The following THSD7B variants were observed in gnomAD, a reference collection of about 807,000 sequenced individuals.
THSD7B encodes thrombospondin type-1 domain-containing protein 7B.
THSD7B carries 138 observed loss-of-function variants against 213.6 expected under a neutral mutation model. The observed-to-expected ratio is 0.65, with a 90% confidence interval of 0.56 to 0.74. The LOEUF is 0.74. Among genes scored for constraint, THSD7B ranks in the 30% least tolerant of loss-of-function variants. The pLI, the probability that THSD7B is intolerant of heterozygous loss-of-function variation, is 0.00. For missense variants in THSD7B, 1,931 were observed against 1,991.5 expected (o/e 0.97, Z 0.58); for synonymous variants, 742 against 687.0 (o/e 1.08, Z -1.25).
At chr2:137,398,834 C>T (rs952314393) in intron 12 of THSD7B, among the ~76,000 whole-genome samples, 24 of 152,354 alleles carry the variant, frequency 1.6e-4, no homozygotes, top group African/African-American at 5.5e-4. Context: ...GGCGTAGGAC[C>T]CTCCAAGCCA....
chr2:137,115,951 T>C (rs924071803), intron 5 of THSD7B, among the ~76,000 whole-genome samples: 3 of 152,150 alleles, frequency 2.0e-5, no homozygotes, highest in Non-Finnish European at 4.4e-5. Flanking sequence ...CTAGAAGAAT[T>C]TGTGACCTGT....
intron 1 of THSD7B, among the ~76,000 whole-genome samples, chr2:136,791,993 G>A (rs965152100): frequency 6.6e-6 from 1 of 151,962 alleles, no homozygotes; most frequent in African/African-American, 2.4e-5. Flanking sequence ...AATCCGACCA[G>A]CAGTGTATGA....
chr2:136,769,426 A>C (rs570222400), intron 1 of THSD7B, among the ~76,000 whole-genome samples: 2 of 152,310 alleles, frequency 1.3e-5, no homozygotes, highest in African/African-American at 2.4e-5. Flanking sequence ...GATATTAGTG[A>C]AACCCAATTA....
At chr2:136,895,708 A>G (rs1385246995) in intron 2 of THSD7B, among the ~76,000 whole-genome samples, 1 of 152,136 alleles carries the variant, frequency 6.6e-6, no homozygotes, top group Admixed American at 6.6e-5. Flanking sequence ...ACATCAACAC[A>G]ATCTAATTTT....
chr2:137,288,607 A>T (rs983246950), intron 12 of THSD7B, among the ~76,000 whole-genome samples: 2 of 152,156 alleles, frequency 1.3e-5, no homozygotes, highest in South Asian at 4.2e-4. Flanking sequence ...AGCTAACTTT[A>T]TGTACAGAGC....
intron 25 of THSD7B, among the ~76,000 whole-genome samples, chr2:137,662,062 CT>C (rs778872364): frequency 0.09 from 11,946 of 132,464 alleles, 390 homozygotes; most frequent in Middle Eastern, 0.13. Context: ...TTTCTTTTTT[CT>C]TTTTTTTTTT....
chr2:137,524,038 T>C (rs1483005915), intron 15 of THSD7B, among the ~76,000 whole-genome samples: 1 of 152,176 alleles, frequency 6.6e-6, no homozygotes, highest in African/African-American at 2.4e-5. Flanking sequence ...ACTCTTTTTA[T>C]AGTCTACTAA....
intron 1 of THSD7B, among the ~76,000 whole-genome samples, chr2:136,860,196 C>T (rs116969088): frequency 6.6e-6 from 1 of 151,574 alleles, no homozygotes; most frequent in Admixed American, 6.6e-5. Flanking sequence ...TCTTAGGAGG[C>T]CAGGGCAGTA....
At chr2:136,994,260 C>T (rs570915270) in intron 2 of THSD7B, among the ~76,000 whole-genome samples, 3 of 152,254 alleles carry the variant, frequency 2.0e-5, no homozygotes, top group Non-Finnish European at 4.4e-5. Context: ...TGAATTGTAG[C>T]TTGAAAATCT....
intron 7 of THSD7B, among the ~76,000 whole-genome samples, chr2:137,207,819 G>A (rs1275051933): frequency 6.6e-6 from 1 of 152,002 alleles, no homozygotes; most frequent in Non-Finnish European, 1.5e-5. Context: ...ACTGATCTCT[G>A]CTTATATTAT....
chr2:137,419,928 C>G (rs1038879045), intron 14 of THSD7B, among the ~76,000 whole-genome samples: 1 of 152,156 alleles, frequency 6.6e-6, no homozygotes, highest in Non-Finnish European at 1.5e-5. Context: ...TACCCCTTTG[C>G]TATATTGACT....
At chr2:137,493,120 CTCAAAAAAAAA>C (rs1247363071) in intron 15 of THSD7B, among the ~76,000 whole-genome samples, 162 of 24,984 alleles carry the variant, frequency 6.5e-3, no homozygotes, top group Admixed American at 0.014. Context: ...CACTCTCTCT[CTCAAAAAAAAA>C]AAAAAAAAAA....
intron 17 of THSD7B, among the ~76,000 whole-genome samples, chr2:137,599,543 G>C (rs958543681): frequency 6.6e-6 from 1 of 151,566 alleles, no homozygotes; most frequent in Admixed American, 6.6e-5. Flanking sequence ...TGGTGGGACT[G>C]TAAACTAGTT....
intron 7 of THSD7B, among the ~76,000 whole-genome samples, chr2:137,216,875 G>A (rs1338190947): frequency 6.6e-6 from 1 of 152,154 alleles, no homozygotes; most frequent in Non-Finnish European, 1.5e-5. Context: ...AAATATCACT[G>A]TCTAGGTTAG....
intron 4 of THSD7B, among the ~76,000 whole-genome samples, chr2:137,095,859 T>C (rs984698402): frequency 3.3e-5 from 5 of 152,030 alleles, no homozygotes; most frequent in African/African-American, 9.7e-5. Context: ...CAGTGTGTGC[T>C]ACTATATATA....
In THSD7B at chr2:137,081,267, G is replaced by T. The variant is rs367955492; in HGVS notation, c.951-13606G>T. Among the ~76,000 whole-genome samples the T allele has an allele frequency of 4.4e-4, 67 of 152,052 alleles. 1 individual carries two copies. The East Asian group carries it at 6.2e-3, about 14-fold the overall frequency. ...TCTTTATTTTGGGGGAATTTGAGGG[G>T]TTACTAGAATTTTAAACATTATTTT... On this transcript the variant is annotated intron_variant, in intron 3 of 27. Transcript: ENST00000409968.
intron 15 of THSD7B, among the ~76,000 whole-genome samples, chr2:137,476,300 T>A (rs1028481970): frequency 6.6e-6 from 1 of 152,162 alleles, no homozygotes. Context: ...GTTATCTGTG[T>A]AGAAGCTTTT....
chr2:137,578,163 G>A (rs1240256303), intron 17 of THSD7B, among the ~76,000 whole-genome samples: 1 of 152,194 alleles, frequency 6.6e-6, no homozygotes, highest in Non-Finnish European at 1.5e-5. Flanking sequence ...GGTGATGAAA[G>A]GAACGAGATT....
chr2:137,275,720 T>C (rs1682854046), intron 11 of THSD7B, among the ~76,000 whole-genome samples: 1 of 152,114 alleles, frequency 6.6e-6, no homozygotes, highest in African/African-American at 2.4e-5. Flanking sequence ...AAACACTGAA[T>C]TACTGCCTAA....
Sources: gnomAD v4.1 joint callset for allele counts (sites outside exome capture counted in the v4.1 genomes callset) on GRCh38, gnomAD v4.1.1 for gene constraint, MANE v1.5 for transcripts, NCBI Gene and HGNC (gene_info 2026-07-23, HGNC 2026-07-21) for gene names.